Variants in DLG1 observed in about 807,000 individuals in gnomAD.
The protein encoded by DLG1 is discs large MAGUK scaffold protein 1.
DLG1 carries 42 observed loss-of-function variants against 123.4 expected under a neutral mutation model. The ratio of observed to expected loss-of-function variants is 0.34; its 90% confidence interval spans 0.27 to 0.44. The LOEUF (loss-of-function observed/expected upper bound fraction) is 0.44, where lower values mean the gene tolerates loss of function less well. Among genes scored for constraint, DLG1 ranks in the 20% least tolerant of loss-of-function variants. DLG1 has a pLI of 1.00. For missense variants in DLG1, 942 were observed against 1,082.6 expected (o/e 0.87, Z 1.82); for synonymous variants, 317 against 356.2 (o/e 0.89, Z 1.24).
chr3:197,054,086 A>T (rs143002194), intron 23 of DLG1, among the ~76,000 whole-genome samples: 12 of 152,276 alleles, frequency 7.9e-5, no homozygotes, highest in African/African-American at 2.9e-4. Context: ...ACAAAGCGAG[A>T]CCTTGTCTCA....
intron 5 of DLG1, chr3:197,184,038 A>G (rs759575195): frequency 4.8e-5 from 62 of 1,295,272 alleles, no homozygotes; most frequent in Non-Finnish European, 5.6e-5. Context: ...TTATTTTTGC[A>G]GACAAAAAAG....
At chr3:197,273,061 A>G (rs1001337575) in intron 4 of DLG1, among the ~76,000 whole-genome samples, 2 of 152,092 alleles carry the variant, frequency 1.3e-5, no homozygotes, top group African/African-American at 4.8e-5. Flanking sequence ...TATATTCACA[A>G]TGCAGTAATT....
intron 4 of DLG1, among the ~76,000 whole-genome samples, chr3:197,203,932 A>G (rs765237608): frequency 1.3e-5 from 2 of 152,190 alleles, no homozygotes; most frequent in Non-Finnish European, 2.9e-5. Context: ...AAGACAATGA[A>G]ATCTATCCTA....
chr3:197,090,393 T>C (rs1235576318), intron 15 of DLG1, among the ~76,000 whole-genome samples: 1 of 152,008 alleles, frequency 6.6e-6, no homozygotes, highest in Admixed American at 6.6e-5. Context: ...TTATATATTA[T>C]AGGAAAATAA....
At chr3:197,199,191 G>C (rs1724289799) in intron 4 of DLG1, among the ~76,000 whole-genome samples, 1 of 152,104 alleles carries the variant, frequency 6.6e-6, no homozygotes, top group African/African-American at 2.4e-5. Flanking sequence ...TAAAGTTTCT[G>C]AGTTCCCTTA....
chr3:197,136,792 A>G (rs1029854921), intron 9 of DLG1, 114 bp from the exon 10 acceptor site: 2 of 908,958 alleles, frequency 2.2e-6, no homozygotes, highest in Admixed American at 5.6e-5. Flanking sequence ...TTTAAAATAG[A>G]AAAGAATCTA....
chr3:197,101,486 C>T (rs569327237), intron 14 of DLG1, among the ~76,000 whole-genome samples: 2 of 151,756 alleles, frequency 1.3e-5, no homozygotes, highest in African/African-American at 4.8e-5. Flanking sequence ...CCCGGGTTCA[C>T]GCCATTCTCC....
intron 3 of DLG1, among the ~76,000 whole-genome samples, chr3:197,286,576 T>A (rs1209011847): frequency 6.6e-6 from 1 of 152,204 alleles, no homozygotes; most frequent in Non-Finnish European, 1.5e-5. Flanking sequence ...TGGGGACCCC[T>A]GCTGTACAAT....
At chr3:197,118,629 C>T (rs917745875) in intron 12 of DLG1, among the ~76,000 whole-genome samples, 6 of 152,078 alleles carry the variant, frequency 3.9e-5, no homozygotes, top group Admixed American at 3.3e-4. Flanking sequence ...ATATAAAAGA[C>T]GTGTACAAAT....
chr3:197,059,958 T>C lies in DLG1; in HGVS notation c.2414A>G (p.Lys805Arg). 1 of 1,613,866 alleles carries C rather than the reference T, an allele frequency of 6.2e-7. No individual in the cohort carries two copies. The highest frequency in any genetic ancestry group is 8.5e-7 in the Non-Finnish European group (1 of 1,179,886). Residue 805 changes from lysine to arginine, a missense_variant, in exon 23 of 25, where the codon AAG (lysine) becomes AGG (arginine). Physicochemically the swap from Lys to Arg is conservative, Grantham distance 26. Coordinates refer to ENST00000667157, the MANE Select transcript of DLG1 (RefSeq NM_001366207.1). ...CILDVSGNAIKRLQIAQLYPI... is the reference protein window; with the variant it reads ...CILDVSGNAIRRLQIAQLYPI... ...GTAAAGCTGTGCAATCTGTAATCTC[T>C]TTATGGCATTTCCAGACACATCAAG...
intron 19 of DLG1, 50 bp from the exon 20 acceptor site, chr3:197,066,804 C>T (rs748867450): frequency 1.6e-6 from 2 of 1,261,340 alleles, no homozygotes; most frequent in Non-Finnish European, 2.3e-6. Context: ...ATAATTGATG[C>T]TAATCTAATT....
chr3:197,193,896 T>C (rs1232377305), intron 5 of DLG1, among the ~76,000 whole-genome samples: 7 of 151,896 alleles, frequency 4.6e-5, no homozygotes, highest in Non-Finnish European at 1.0e-4. Context: ...CTAGGCTCAC[T>C]GCAACTTCCG....
intron 4 of DLG1, among the ~76,000 whole-genome samples, chr3:197,233,800 G>T (rs1223372597): frequency 6.6e-6 from 1 of 152,222 alleles, no homozygotes; most frequent in Non-Finnish European, 1.5e-5. Flanking sequence ...GATTACAGGC[G>T]TAAGCCACCG....
chr3:197,270,332 T>C (rs1212801859), intron 4 of DLG1, among the ~76,000 whole-genome samples: 1 of 152,070 alleles, frequency 6.6e-6, no homozygotes, highest in Non-Finnish European at 1.5e-5. Flanking sequence ...AAATAAAAAT[T>C]TCTCGGTATA....
chr3:197,107,269 G>A (rs1381407229), intron 13 of DLG1, among the ~76,000 whole-genome samples: 1 of 152,174 alleles, frequency 6.6e-6, no homozygotes, highest in Non-Finnish European at 1.5e-5. Context: ...TACTGGCCAG[G>A]TGTGGTGGCT....
intron 4 of DLG1, among the ~76,000 whole-genome samples, chr3:197,246,390 T>A (rs1250569515): frequency 6.6e-6 from 1 of 152,204 alleles, no homozygotes; most frequent in Non-Finnish European, 1.5e-5. Flanking sequence ...CAGTGGTTAG[T>A]GTTAAGTCAT....
intron 13 of DLG1, among the ~76,000 whole-genome samples, chr3:197,106,088 C>G (rs1766164558): frequency 6.6e-6 from 1 of 152,068 alleles, no homozygotes; most frequent in Non-Finnish European, 1.5e-5. Flanking sequence ...TAAAAAGAAA[C>G]CATTATGCAA....
intron 5 of DLG1, among the ~76,000 whole-genome samples, chr3:197,174,395 T>A (rs1805915499): frequency 6.6e-6 from 1 of 152,226 alleles, no homozygotes; most frequent in Admixed American, 6.5e-5. Context: ...AAGTTTCACC[T>A]ACAGTTCTTT....
intron 24 of DLG1, among the ~76,000 whole-genome samples, chr3:197,050,496 T>C (rs1324429538): frequency 6.6e-6 from 1 of 152,180 alleles, no homozygotes; most frequent in African/African-American, 2.4e-5. Flanking sequence ...TATTAGGCCA[T>C]AAAAATGAAA....
Sources: allele counts gnomAD v4.1 joint callset (sites outside exome capture counted in the v4.1 genomes callset), GRCh38; gene constraint gnomAD v4.1.1; transcripts MANE v1.5; gene names NCBI Gene and HGNC (gene_info 2026-07-23, HGNC 2026-07-21).